Variants in ALK observed in about 807,000 individuals in gnomAD.
ALK encodes the protein ALK receptor tyrosine kinase, also known as ALK tyrosine kinase receptor.
In ALK, 74 loss-of-function variants were observed where a neutral mutation model predicts 163.1. That is an observed-to-expected ratio of 0.45 (90% confidence interval 0.38 to 0.55). The LOEUF is 0.55. Ranked by LOEUF, ALK falls within the 20% of genes least tolerant of loss-of-function variation. The probability of loss-of-function intolerance (pLI) is 0.00; values close to 1 mark genes in which losing one functional copy is unlikely to be tolerated. For synonymous variants in ALK, 960 were observed against 843.2 expected (o/e 1.14, Z -2.40); for missense variants, 2,063 against 2,105.3 (o/e 0.98, Z 0.39).
chr2:29,333,758 A>G (rs1003777264), intron 5 of ALK, among the ~76,000 whole-genome samples: 1 of 152,046 alleles, frequency 6.6e-6, no homozygotes, highest in African/African-American at 2.4e-5. Context: ...CTGGGAATAG[A>G]GGTGTGCAGC....
At chr2:29,603,078 A>G (rs1429615746) in intron 3 of ALK, among the ~76,000 whole-genome samples, 1 of 152,232 alleles carries the variant, frequency 6.6e-6, no homozygotes, top group Non-Finnish European at 1.5e-5. Flanking sequence ...TAAGTTATTT[A>G]TTATCCAAAG....
intron 1 of ALK, among the ~76,000 whole-genome samples, chr2:29,841,616 TG>T (rs1414841075): frequency 1.3e-5 from 2 of 152,210 alleles, no homozygotes. Flanking sequence ...CAGCCTCTGC[TG>T]GGGGCTGCGC....
At chr2:29,667,255 C>T (rs767798199) in intron 3 of ALK, among the ~76,000 whole-genome samples, 5 of 152,026 alleles carry the variant, frequency 3.3e-5, no homozygotes, top group Admixed American at 6.6e-5. Flanking sequence ...GAGGAAACTT[C>T]TTACTGTTCT....
intron 1 of ALK, among the ~76,000 whole-genome samples, chr2:29,758,875 G>C (rs1282659920): frequency 2.0e-5 from 3 of 152,002 alleles, no homozygotes; most frequent in Admixed American, 6.6e-5. Context: ...TGTCTTACTG[G>C]GGCCCTTTAT....
chr2:29,897,930 G>C (rs1667316856), intron 1 of ALK, among the ~76,000 whole-genome samples: 1 of 152,134 alleles, frequency 6.6e-6, no homozygotes, highest in South Asian at 2.1e-4. Context: ...TATAGAGAGA[G>C]GTGGAAAGGG....
intron 1 of ALK, among the ~76,000 whole-genome samples, chr2:29,732,153 A>C (rs143421953): frequency 6.6e-6 from 1 of 152,256 alleles, no homozygotes; most frequent in African/African-American, 2.4e-5. Context: ...TAAGTGACTC[A>C]TAACCAAACC....
In ALK at chr2:29,920,471, G is replaced by A. The variant is rs1298548615; in HGVS notation, c.189C>T (p.Leu63=). The change falls in exon 1 of 29, where the codon CTC becomes CTT. Residue 63 remains leucine (L), a synonymous_variant. Transcript: ENST00000389048. ...GTAGGTCCCGGGCGTAGACACGGAA[G>A]AGCGAGGGCACCACGAAGTCAACTG... ...SLAVDFVVPS[L]FRVYARDLLL... 3 of 1,612,958 alleles carry A rather than the reference G, an allele frequency of 1.9e-6. No individual in the cohort carries two copies. Among genetic ancestry groups the A allele is most frequent in the Non-Finnish European group, 2.5e-6 (3 of 1,179,618 alleles).
intron 1 of ALK, among the ~76,000 whole-genome samples, chr2:29,831,174 A>G (rs148322539): frequency 0.015 from 432 of 29,234 alleles, 82 homozygotes; most frequent in Non-Finnish European, 0.019. Context: ...GAAGAGGAAG[A>G]GGAAGGGGAA....
intron 4 of ALK, among the ~76,000 whole-genome samples, chr2:29,419,744 A>T (rs1050909527): frequency 4.6e-5 from 7 of 151,628 alleles, no homozygotes; most frequent in Admixed American, 4.6e-4. Flanking sequence ...ATATTTTGGC[A>T]TTAGAATATT....
chr2:29,229,740 G>A (rs892786389), intron 15 of ALK, among the ~76,000 whole-genome samples: 28 of 152,306 alleles, frequency 1.8e-4, no homozygotes, highest in African/African-American at 5.8e-4. Flanking sequence ...GGTGGGGAGC[G>A]TCAGGGGCTC....
chr2:29,292,436 C>A (rs1558656412), intron 9 of ALK, among the ~76,000 whole-genome samples: 1 of 152,140 alleles, frequency 6.6e-6, no homozygotes, highest in Non-Finnish European at 1.5e-5. Context: ...CAATTAGAAT[C>A]AGGAGAGAGA....
At position 29,894,406 on chromosome 2, in the gene ALK, A is replaced by G. The variant is rs575374381; in HGVS notation, c.667+25587T>C. On this transcript the variant is annotated intron_variant, in intron 1 of 28. Transcript: ENST00000389048. ...CCTCTCTAAGCCTCTGTGAAATGGG[A>G]AAAGCAATACTATCCCCCACGTGGC... 1.7e-4 allele frequency among the ~76,000 whole-genome samples: 26 copies of G among 152,216 alleles called. 1 individual carries two copies. Among genetic ancestry groups the G allele is most frequent in the Middle Eastern group, 3.4e-3 (1 of 294 alleles).
chr2:29,503,043 G>A (rs1363466888), intron 4 of ALK, among the ~76,000 whole-genome samples: 1 of 152,204 alleles, frequency 6.6e-6, no homozygotes, highest in Non-Finnish European at 1.5e-5. Context: ...GTATGAAGAC[G>A]TGGAACTCTT....
At chr2:29,236,315 C>T (rs1290362265) in intron 13 of ALK, among the ~76,000 whole-genome samples, 5 of 152,124 alleles carry the variant, frequency 3.3e-5, no homozygotes, top group South Asian at 2.1e-4. Flanking sequence ...TCTTGGCTTG[C>T]GGGCAGCAGT....
intron 1 of ALK, among the ~76,000 whole-genome samples, chr2:29,874,040 T>G (rs1424798190): frequency 6.6e-6 from 1 of 152,118 alleles, no homozygotes; most frequent in African/African-American, 2.4e-5. Context: ...TCCCCAACCC[T>G]AAGCAGGAAT....
intron 26 of ALK, among the ~76,000 whole-genome samples, chr2:29,201,980 C>T (rs536872660): frequency 1.3e-5 from 2 of 152,176 alleles, no homozygotes; most frequent in South Asian, 4.2e-4. Context: ...ATATCACACT[C>T]CTGCTTACAA....
At chr2:29,642,475 A>G (rs1676732248) in intron 3 of ALK, among the ~76,000 whole-genome samples, 1 of 152,218 alleles carries the variant, frequency 6.6e-6, no homozygotes, top group Admixed American at 6.5e-5. Context: ...GCATATATTG[A>G]GAGACAAACA....
At chr2:29,339,253 A>T (rs1667718944) in intron 5 of ALK, among the ~76,000 whole-genome samples, 1 of 151,994 alleles carries the variant, frequency 6.6e-6, no homozygotes, top group Admixed American at 6.6e-5. Flanking sequence ...AAAAAAAAAA[A>T]AAAGTGATGT....
At chr2:29,440,369 T>C (rs1573355982) in intron 4 of ALK, among the ~76,000 whole-genome samples, 1 of 143,268 alleles carries the variant, frequency 7.0e-6, no homozygotes, top group South Asian at 2.2e-4. Context: ...GTAGCTGGAG[T>C]GCAGTGGTGC....
Sources: gnomAD v4.1 joint callset for allele counts (sites outside exome capture counted in the v4.1 genomes callset) on GRCh38, gnomAD v4.1.1 for gene constraint, MANE v1.5 for transcripts, NCBI Gene and HGNC (gene_info 2026-07-23, HGNC 2026-07-21) for gene names.